SLIT3: variants seen among roughly 807,000 people sequenced by gnomAD.
SLIT3 encodes slit homolog 3 protein.
Under a neutral mutation model 184.0 loss-of-function variants are expected in SLIT3, and 68 were observed. The observed-to-expected ratio is 0.37, with a 90% confidence interval of 0.30 to 0.45. The LOEUF is 0.45. Among genes scored for constraint, SLIT3 ranks in the 20% least tolerant of loss-of-function variants. The pLI is 1.00. For missense variants in SLIT3, 1,707 were observed against 2,026.0 expected (o/e 0.84, Z 3.02); for synonymous variants, 831 against 828.6 (o/e 1.00, Z -0.05).
chr5:168,777,074 CA>C (rs1755779327), intron 12 of SLIT3, among the ~76,000 whole-genome samples: 1 of 24,818 alleles, frequency 4.0e-5, no homozygotes, highest in Non-Finnish European at 7.0e-5. Context: ...AACACACACA[CA>C]CACACACACA....
intron 4 of SLIT3, among the ~76,000 whole-genome samples, chr5:169,052,739 G>T (rs866253252): frequency 6.6e-6 from 1 of 152,108 alleles, no homozygotes. Flanking sequence ...GGTTGAACTG[G>T]GTTTTAAGTG....
chr5:169,076,276 AAG>A (rs1218308683), intron 4 of SLIT3, among the ~76,000 whole-genome samples: 2 of 152,220 alleles, frequency 1.3e-5, no homozygotes, highest in East Asian at 3.8e-4. Context: ...TCAGACTTAA[AAG>A]AGATCAGAGA....
chr5:168,773,204 C>G (rs1403124897), intron 13 of SLIT3, among the ~76,000 whole-genome samples: 1 of 152,158 alleles, frequency 6.6e-6, no homozygotes, highest in Non-Finnish European at 1.5e-5. Flanking sequence ...CCACTTGGGG[C>G]AAGACCCACC....
intron 5 of SLIT3, among the ~76,000 whole-genome samples, chr5:168,859,081 T>C (rs1020042933): frequency 5.3e-5 from 8 of 152,204 alleles, no homozygotes; most frequent in Non-Finnish European, 1.2e-4. Context: ...TAATCAGCAC[T>C]AACGTTTCCT....
At chr5:168,836,658 C>G (rs1244914253) in intron 6 of SLIT3, among the ~76,000 whole-genome samples, 2 of 152,182 alleles carry the variant, frequency 1.3e-5, no homozygotes, top group African/African-American at 2.4e-5. Flanking sequence ...GATCTGGCAG[C>G]TGGAATGTGT....
At chr5:169,054,716 G>A (rs574807635) in intron 4 of SLIT3, among the ~76,000 whole-genome samples, 177 of 152,292 alleles carry the variant, frequency 1.2e-3, no homozygotes, top group African/African-American at 4.1e-3. Flanking sequence ...CCAGGCATGC[G>A]GAACGACGTC....
chr5:168,773,189 T>C (rs1365415860), intron 13 of SLIT3, among the ~76,000 whole-genome samples: 2 of 152,116 alleles, frequency 1.3e-5, no homozygotes, highest in Non-Finnish European at 2.9e-5. Flanking sequence ...GTCTCCCAGC[T>C]CTTCCCACTT....
At chr5:168,863,357 A>G (rs1478336404) in intron 5 of SLIT3, among the ~76,000 whole-genome samples, 1 of 152,240 alleles carries the variant, frequency 6.6e-6, no homozygotes, top group Non-Finnish European at 1.5e-5. Flanking sequence ...TACTTGGGCA[A>G]AAGAACTGAG....
chr5:168,693,347 A>G (rs990625274), intron 28 of SLIT3, among the ~76,000 whole-genome samples: 4 of 152,218 alleles, frequency 2.6e-5, no homozygotes, highest in Non-Finnish European at 4.4e-5. Flanking sequence ...TTTTCAGGGA[A>G]GGAAGTATGA....
At chr5:168,884,200 G>A (rs1378093624) in intron 4 of SLIT3, among the ~76,000 whole-genome samples, 1 of 151,014 alleles carries the variant, frequency 6.6e-6, no homozygotes, top group Non-Finnish European at 1.5e-5. Flanking sequence ...GGATCTCAAC[G>A]AGTAATCAAT....
chr5:169,101,384 TG>T (rs916724422), intron 4 of SLIT3, among the ~76,000 whole-genome samples: 2 of 152,222 alleles, frequency 1.3e-5, no homozygotes, highest in African/African-American at 4.8e-5. Context: ...AACTTGCTCT[TG>T]GGAGAGGTCC....
chr5:169,270,983 A>C (rs2113631173), intron 1 of SLIT3, among the ~76,000 whole-genome samples: 1 of 152,302 alleles, frequency 6.6e-6, no homozygotes, highest in Middle Eastern at 3.4e-3. Context: ...TAAGTGCTCC[A>C]TCTCTTTGCT....
chr5:168,703,597 G>A (rs1448437164), intron 26 of SLIT3, among the ~76,000 whole-genome samples: 1 of 152,054 alleles, frequency 6.6e-6, no homozygotes, highest in Non-Finnish European at 1.5e-5. Context: ...CCCTAGTTCC[G>A]TGGAAAAACT....
chr5:168,752,388 G>GTTTTTTTTTTTTTTTT (rs35984907), intron 18 of SLIT3: 1 of 109,752 alleles, frequency 9.1e-6, no homozygotes, highest in African/African-American at 3.8e-5. Context: ...AAAGCCCCTG[G>GTTTTTTTTTTTTTTTT]TTTTTTTTTT....
At position 169,128,215 on chromosome 5, in the gene SLIT3, C is replaced by T. The variant is rs575128293; in HGVS notation, c.413+65264G>A. The stretch of plus-strand genomic sequence containing the variant: ...AATGTCAATAATTTTCTTTGGGACA[C>T]GGGTCATGGATTATATATATACACA... On this transcript the variant is annotated intron_variant, in intron 4 of 35. Coordinates refer to ENST00000519560, the MANE Select transcript of SLIT3 (RefSeq NM_003062.4). 4.6e-4 allele frequency among the ~76,000 whole-genome samples: 68 copies of T among 148,440 alleles called. No homozygotes were observed. The South Asian group carries it at 0.013, about 28-fold the overall frequency.
intron 10 of SLIT3, 114 bp from the exon 11 acceptor site, chr5:168,789,745 A>G: frequency 5.1e-6 from 4 of 779,702 alleles, no homozygotes; most frequent in East Asian, 2.7e-5. Flanking sequence ...TAATCAATCA[A>G]TCAAGCAATT....
intron 4 of SLIT3, among the ~76,000 whole-genome samples, chr5:169,114,594 C>A (rs1194161653): frequency 2.6e-5 from 4 of 152,174 alleles, no homozygotes; most frequent in Non-Finnish European, 4.4e-5. Flanking sequence ...GCCAGGGTGT[C>A]CTGGTGTGAC....
intron 4 of SLIT3, among the ~76,000 whole-genome samples, chr5:169,084,162 C>T (rs1759185348): frequency 6.6e-6 from 1 of 152,266 alleles, no homozygotes; most frequent in South Asian, 2.1e-4. Context: ...GAGTCTGCAG[C>T]CTTCTAGCCT....
intron 4 of SLIT3, among the ~76,000 whole-genome samples, chr5:169,076,543 T>C (rs1758749784): frequency 6.6e-6 from 1 of 152,208 alleles, no homozygotes; most frequent in Non-Finnish European, 1.5e-5. Context: ...AAAACTTCTT[T>C]TTATAGAACA....
Sources: gnomAD v4.1 joint callset for allele counts (sites outside exome capture counted in the v4.1 genomes callset) on GRCh38, gnomAD v4.1.1 for gene constraint, MANE v1.5 for transcripts, NCBI Gene and HGNC (gene_info 2026-07-23, HGNC 2026-07-21) for gene names.